TYW1B: variants seen among roughly 807,000 people sequenced by gnomAD.
TYW1B encodes S-adenosyl-L-methionine-dependent tRNA 4-demethylwyosine synthase TYW1B.
A neutral mutation model predicts 86.9 loss-of-function variants in TYW1B; 73 were observed. The ratio of observed to expected loss-of-function variants is 0.84; its 90% CI spans 0.70 to 1.02. TYW1B has a LOEUF of 1.02. Among genes scored for constraint, TYW1B ranks in the 50% least tolerant of loss-of-function variants. The probability of loss-of-function intolerance (pLI) is 0.00; values close to 1 mark genes in which losing one functional copy is unlikely to be tolerated. For synonymous variants in TYW1B, 248 were observed against 292.8 expected, an observed-to-expected ratio of 0.85 and a Z score of 1.56; for missense variants, 637 against 827.4, an observed-to-expected ratio of 0.77 and a Z score of 2.82.
intron 7 of TYW1B, among the ~76,000 whole-genome samples, chr7:72,758,709 C>T (rs1787637523): frequency 6.6e-6 from 1 of 152,112 alleles, no homozygotes; most frequent in Non-Finnish European, 1.5e-5. Context: ...GATAAGGCCA[C>T]CTTAATAATG....
chr7:72,627,334 G>T (rs1287645157), intron 12 of TYW1B, among the ~76,000 whole-genome samples: 1 of 151,970 alleles, frequency 6.6e-6, no homozygotes, highest in African/African-American at 2.4e-5. Context: ...TGTAGCACCA[G>T]CTACTTGGGA....
Position 72,786,867 on chromosome 7 carries a change from G to A in TYW1B, c.847-9334C>T, listed in dbSNP as rs548138464. Among the ~76,000 whole-genome samples the A allele has an allele frequency of 3.3e-5, 5 of 152,052 alleles. No individual in the cohort carries two copies. The East Asian group carries it at 5.8e-4, about 18-fold the overall frequency. ...TGGGATTACAGGCATGAGCCACTGC[G>A]CCCTGCTAAACAAAGCTTTTAAATA... On this transcript the variant is annotated intron_variant, in intron 6 of 13. Transcript: ENST00000620995.
intron 11 of TYW1B, among the ~76,000 whole-genome samples, chr7:72,657,973 G>A (rs1813243936): frequency 6.6e-6 from 1 of 152,152 alleles, no homozygotes; most frequent in South Asian, 2.1e-4. Flanking sequence ...GTCGTTAAAT[G>A]GGCCAGGAGC....
At chr7:72,632,436 A>G (rs1338761026) in intron 11 of TYW1B, among the ~76,000 whole-genome samples, 2 of 104,088 alleles carry the variant, frequency 1.9e-5, no homozygotes, top group African/African-American at 8.3e-5. Flanking sequence ...ATATATATAT[A>G]CGTATATATA....
intron 9 of TYW1B, among the ~76,000 whole-genome samples, chr7:72,722,121 G>A (rs2129570892): frequency 6.6e-6 from 1 of 152,120 alleles, no homozygotes; most frequent in African/African-American, 2.4e-5. Context: ...CTCCACTTGA[G>A]GTTTTTCATA....
At chr7:72,678,664 G>A (rs1474682853) in intron 11 of TYW1B, among the ~76,000 whole-genome samples, 1 of 118,630 alleles carries the variant, frequency 8.4e-6, no homozygotes, top group Non-Finnish European at 1.6e-5. Context: ...TCGCTCAGCC[G>A]CCAAGTAGCT....
chr7:72,587,329 C>T (rs1469341004), intron 13 of TYW1B, among the ~76,000 whole-genome samples: 1 of 152,116 alleles, frequency 6.6e-6, no homozygotes, highest in Non-Finnish European at 1.5e-5. Context: ...AGGGGAACTG[C>T]AATGGAGAAA....
At chr7:72,814,909 A>G (rs1457449367) in intron 3 of TYW1B, among the ~76,000 whole-genome samples, 18 of 151,608 alleles carry the variant, frequency 1.2e-4, no homozygotes, top group Non-Finnish European at 2.4e-4. Context: ...TAGCAAAAAA[A>G]AAAAAAAAAA....
rs1563038960 is a variant in TYW1B, at chr7:72,632,447, TAA to T, written c.1507-3452_1507-3451del. ...TAAAATATATATATACGTATATATATAAAATATATATATACATATATATATAA... is the reference window on the plus strand; with the variant it reads ...TAAAATATATATATACGTATATATATAATATATATATACATATATATATAA... On this transcript the variant is annotated intron_variant, in intron 11 of 13. Coordinates refer to ENST00000620995, the MANE Select transcript of TYW1B (RefSeq NM_001145440.3). Among the ~76,000 whole-genome samples, 258 of 91,444 alleles carry T rather than the reference TAA, an allele frequency of 2.8e-3. 3 individuals are homozygous for T. The highest frequency in any genetic ancestry group is 7.2e-3 in the African/African-American group (132 of 18,316). 60.0% of individuals were successfully genotyped at this position (91,444 alleles called of 152,430 possible). A position where few individuals can be genotyped will look rare whatever the true frequency, so the allele number is the denominator to read the frequency against.
chr7:72,687,632 C>T (rs1169139803), intron 11 of TYW1B, among the ~76,000 whole-genome samples: 1 of 152,002 alleles, frequency 6.6e-6, no homozygotes, highest in East Asian at 1.9e-4. Context: ...AAGGCATAAA[C>T]AATCGTTTCA....
chr7:72,596,245 G>A (rs1811530989), intron 13 of TYW1B, among the ~76,000 whole-genome samples: 1 of 142,188 alleles, frequency 7.0e-6, no homozygotes, highest in Non-Finnish European at 1.5e-5. Flanking sequence ...ATTCAATACA[G>A]TATCTATCAA....
intron 11 of TYW1B, among the ~76,000 whole-genome samples, chr7:72,631,350 T>C (rs1554439761): frequency 6.6e-6 from 1 of 151,800 alleles, no homozygotes; most frequent in Admixed American, 6.6e-5. Flanking sequence ...CCGTCTCCAC[T>C]AAAAAATACA....
chr7:72,649,760 G>A (rs1481345451), intron 11 of TYW1B, among the ~76,000 whole-genome samples: 1 of 152,178 alleles, frequency 6.6e-6, no homozygotes, highest in Non-Finnish European at 1.5e-5. Flanking sequence ...AAGCCCTAGA[G>A]CAGGTCTATT....
At chr7:72,669,291 C>G (rs1554445891) in intron 11 of TYW1B, among the ~76,000 whole-genome samples, 1 of 151,612 alleles carries the variant, frequency 6.6e-6, no homozygotes, top group Admixed American at 6.6e-5. Context: ...ATCACAGGCG[C>G]CTGCCACCAC....
At chr7:72,786,447 ATCT>A (rs1788130497) in intron 6 of TYW1B, among the ~76,000 whole-genome samples, 1 of 152,152 alleles carries the variant, frequency 6.6e-6, no homozygotes, top group Non-Finnish European at 1.5e-5. Flanking sequence ...GATGTCTGAA[ATCT>A]TCATTAGTGT....
At chr7:72,733,919 C>A (rs1787156207) in intron 8 of TYW1B, among the ~76,000 whole-genome samples, 1 of 152,012 alleles carries the variant, frequency 6.6e-6, no homozygotes, top group Non-Finnish European at 1.5e-5. Context: ...CCAAAGAAAT[C>A]CTATGCAGAA....
intron 11 of TYW1B, among the ~76,000 whole-genome samples, chr7:72,675,539 G>GTATATATATATATA (rs57288719): frequency 3.5e-5 from 5 of 144,486 alleles, no homozygotes; most frequent in South Asian, 2.2e-4. Flanking sequence ...AGTGATGTCA[G>GTATATATATATATA]TATATATATA....
intron 11 of TYW1B, among the ~76,000 whole-genome samples, chr7:72,688,483 T>C (rs1331720131): frequency 6.6e-6 from 1 of 152,232 alleles, no homozygotes; most frequent in African/African-American, 2.4e-5. Context: ...GTACCTTTAC[T>C]TGGTAATCTT....
intron 7 of TYW1B, among the ~76,000 whole-genome samples, chr7:72,765,718 G>A (rs1356670709): frequency 1.3e-5 from 2 of 152,086 alleles, no homozygotes; most frequent in Non-Finnish European, 2.9e-5. Context: ...TGCCAGCCTT[G>A]GCCTCTGAAA....
Sources: gnomAD v4.1 joint callset for allele counts (sites outside exome capture counted in the v4.1 genomes callset) on GRCh38, gnomAD v4.1.1 for gene constraint, MANE v1.5 for transcripts, NCBI Gene and HGNC (gene_info 2026-07-23, HGNC 2026-07-21) for gene names.